The following CD44 variants were observed in gnomAD, a reference collection of about 807,000 sequenced individuals.
CD44 encodes the protein CD44 antigen.
Under a neutral mutation model 88.8 loss-of-function variants are expected in CD44, and 49 were observed. That is an observed-to-expected ratio of 0.55 (90% CI 0.44 to 0.70). The LOEUF (loss-of-function observed/expected upper bound fraction) is 0.70, where lower values mean the gene tolerates loss of function less well. CD44 is among the 30% of genes least tolerant of loss of function. The probability of loss-of-function intolerance (pLI) is 0.00; values close to 1 mark genes in which losing one functional copy is unlikely to be tolerated. For missense variants in CD44, 883 were observed against 913.8 expected (o/e 0.97, Z 0.43); for synonymous variants, 325 against 312.3 (o/e 1.04, Z -0.43).
intron 17 of CD44, 113 bp from the exon 18 acceptor site, chr11:35,229,016 C>G: frequency 1.1e-6 from 1 of 903,390 alleles, no homozygotes. Flanking sequence ...TTGGCACACA[C>G]TAAAGCCATC....
chr11:35,174,076 C>G (rs1944195793), intron 1 of CD44, among the ~76,000 whole-genome samples: 1 of 152,238 alleles, frequency 6.6e-6, no homozygotes, highest in Non-Finnish European at 1.5e-5. Flanking sequence ...CTCAAAGGTA[C>G]TGGGTACCCA....
rs149529464 is a variant in CD44 at position 35,209,836 on chromosome 11, G to A, written c.1517-129G>A. 463 of 623,482 alleles carry A rather than the reference G, an allele frequency of 7.4e-4. 1 individual carries two copies. The African/African-American group carries it at 8.0e-3, about 11-fold the overall frequency. The allele number at this position is 623,482 out of a possible 1,614,324, so 38.6% of individuals were successfully genotyped here. ...TCTATCAATCAGAGGAGAATTGTGT[G>A]CACAAACCTTGGTCTTCCTATGCAC... On this transcript the variant is annotated intron_variant, in intron 12 of 17. Transcript: ENST00000428726.
chr11:35,162,179 C>G (rs1015486874), intron 1 of CD44, among the ~76,000 whole-genome samples: 1 of 152,148 alleles, frequency 6.6e-6, no homozygotes, highest in African/African-American at 2.4e-5. Context: ...TGAATTGACA[C>G]CTTGCACCAT....
chr11:35,198,967 CA>C (rs11340143), intron 7 of CD44, among the ~76,000 whole-genome samples: 35,312 of 127,786 alleles, frequency 0.28, 4,385 homozygotes, highest in East Asian at 0.33. Context: ...GACTCCATCT[CA>C]AAAAAAAAAA....
chr11:35,214,017 AG>A (rs2134242009), intron 14 of CD44: 1 of 151,930 alleles, frequency 6.6e-6, no homozygotes, highest in East Asian at 1.9e-4. Context: ...AAAAGATTCC[AG>A]TATGCTTTTG....
chr11:35,143,110 A>G (rs1361045221), intron 1 of CD44, among the ~76,000 whole-genome samples: 1 of 152,058 alleles, frequency 6.6e-6, no homozygotes, highest in East Asian at 1.9e-4. Context: ...AGTTTTATAT[A>G]TTACTCTACA....
rs1950080209 is a variant in CD44 at position 35,231,951 on chromosome 11, A to G, written c.*2618A>G. 6.6e-6 allele frequency: 1 copy of G among 152,256 alleles called. No homozygotes were observed. Among genetic ancestry groups the G allele is most frequent in the South Asian group, 2.1e-4 (1 of 4,834 alleles). The allele number at this position is 152,256 out of a possible 1,614,324, so 9.4% of individuals were successfully genotyped here. On this transcript the variant is annotated 3_prime_UTR_variant, in exon 18 of 18. Transcript: ENST00000428726. ...AAAGACATCTTCGAATCCATATTTC[A>G]AGCCTGGTAGAATTGGCTTTTCTAG...
At chr11:35,160,756 A>G (rs1942492135) in intron 1 of CD44, among the ~76,000 whole-genome samples, 1 of 152,116 alleles carries the variant, frequency 6.6e-6, no homozygotes, top group South Asian at 2.1e-4. Flanking sequence ...TTCCCACTAA[A>G]CCAAGTTAAC....
chr11:35,200,979 A>G (rs1168918972), intron 7 of CD44, 103 bp from the exon 8 acceptor site: 4 of 834,644 alleles, frequency 4.8e-6, no homozygotes, highest in Non-Finnish European at 8.4e-6. Context: ...CCTGGTATAG[A>G]TGATTCATTG....
chr11:35,183,160 T>C (rs1344717626), intron 3 of CD44, among the ~76,000 whole-genome samples: 1 of 152,176 alleles, frequency 6.6e-6, no homozygotes, highest in African/African-American at 2.4e-5. Context: ...TTTGTCTATT[T>C]TCCAAATTGA....
At chr11:35,216,847 C>G (rs1948869555) in intron 15 of CD44, among the ~76,000 whole-genome samples, 1 of 152,208 alleles carries the variant, frequency 6.6e-6, no homozygotes, top group Non-Finnish European at 1.5e-5. Context: ...CAACCCAGAC[C>G]TACTGAATCA....
chr11:35,146,661 A>C (rs1238534878), intron 1 of CD44, among the ~76,000 whole-genome samples: 1 of 152,226 alleles, frequency 6.6e-6, no homozygotes, highest in African/African-American at 2.4e-5. Flanking sequence ...TGCAGCTGAT[A>C]AGTGATGGCG....
intron 17 of CD44, chr11:35,223,057 G>C: frequency 1.0e-6 from 1 of 985,362 alleles, no homozygotes; most frequent in Non-Finnish European, 1.2e-6. Context: ...GTTAATAAAA[G>C]TGCCATGTTA....
At chr11:35,183,761 A>T (rs1218665054) in intron 3 of CD44, among the ~76,000 whole-genome samples, 3 of 152,166 alleles carry the variant, frequency 2.0e-5, no homozygotes, top group Non-Finnish European at 4.4e-5. Flanking sequence ...GTGTGAACAC[A>T]GAACTGACTT....
At chr11:35,181,999 TTATATATA>T (rs537704686) in intron 3 of CD44, among the ~76,000 whole-genome samples, 1 of 109,656 alleles carries the variant, frequency 9.1e-6, no homozygotes, top group African/African-American at 3.6e-5. Flanking sequence ...AAATTTATAT[TTATATATA>T]TGTATATATG....
At chr11:35,196,502 A>T (rs933967992) in intron 5 of CD44, among the ~76,000 whole-genome samples, 18 of 147,632 alleles carry the variant, frequency 1.2e-4, no homozygotes, top group Non-Finnish European at 1.5e-5. Flanking sequence ...AAATTTTTAA[A>T]TCTTTAATAT....
chr11:35,162,168 G>A (rs1942707130), intron 1 of CD44, among the ~76,000 whole-genome samples: 2 of 152,132 alleles, frequency 1.3e-5, no homozygotes, highest in African/African-American at 4.8e-5. Context: ...GGAAGGTGCT[G>A]TGAATTGACA....
At chr11:35,206,740 A>T (rs1162547676) in intron 11 of CD44, among the ~76,000 whole-genome samples, 1 of 61,410 alleles carries the variant, frequency 1.6e-5, no homozygotes, top group Admixed American at 1.3e-4. Context: ...CCAAGGAATG[A>T]ATATGTCAGT....
At chr11:35,205,759 T>G in intron 10 of CD44, 1 of 991,850 alleles carries the variant, frequency 1.0e-6, no homozygotes, top group Non-Finnish European at 1.2e-6. Context: ...CATCATGCAC[T>G]CGGGCTTTTA....
Sources: gnomAD v4.1 joint callset for allele counts (sites outside exome capture counted in the v4.1 genomes callset) on GRCh38, gnomAD v4.1.1 for gene constraint, MANE v1.5 for transcripts, NCBI Gene and HGNC (gene_info 2026-07-23, HGNC 2026-07-21) for gene names.